Variants in RLF observed in about 807,000 individuals in gnomAD.
The protein encoded by RLF is zinc finger protein Rlf.
Under a neutral mutation model 162.9 loss-of-function variants are expected in RLF, and 7 were observed. The ratio of observed to expected loss-of-function variants is 0.04; its 90% CI spans 0.02 to 0.08. RLF has a LOEUF of 0.08. RLF is among the 10% of genes least tolerant of loss of function. RLF has a pLI of 1.00. For missense variants in RLF, 1,664 were observed against 2,244.7 expected (o/e 0.74, Z 5.23); for synonymous variants, 782 against 791.5 (o/e 0.99, Z 0.20).
At chr1:40,229,046 C>A (rs1052180375) in intron 6 of RLF, among the ~76,000 whole-genome samples, 1 of 152,100 alleles carries the variant, frequency 6.6e-6, no homozygotes. Flanking sequence ...TCAAGTAATC[C>A]TCTGCTGAGG....
In RLF at chr1:40,240,468, A is replaced by C. The variant is rs761374586; in HGVS notation, c.*21A>C. 6.4e-7 allele frequency: 1 copy of C among 1,559,950 alleles called. No homozygotes were observed. The highest frequency in any genetic ancestry group is 8.8e-7 in the Non-Finnish European group (1 of 1,137,346). On this transcript the variant is annotated 3_prime_UTR_variant, in exon 8 of 8. Coordinates refer to ENST00000372771, the MANE Select transcript of RLF (RefSeq NM_012421.4). ...CATAAGTAGCAATTTTGTTTTAGTA[A>C]CAGACTGGCTCCAACACTGCAACAT...
Position 40,221,899 on chromosome 1 carries a change from C to CAAAAAAAAAAAAAAAAAAA in RLF, c.811-674_811-656dup, listed in dbSNP as rs895455745. Reference sequence around the variant, plus strand: ...TGGGCGACACAGCGAGACTCCGTCTCAAAAAAAAAAAAAAAAAAAGAGAAA... The same window carrying CAAAAAAAAAAAAAAAAAAA: ...TGGGCGACACAGCGAGACTCCGTCTCAAAAAAAAAAAAAAAAAAAAAAAAAAAAAAAAAAAAAAGAGAAA... On this transcript the variant is annotated intron_variant, in intron 5 of 7. Coordinates refer to ENST00000372771, the MANE Select transcript of RLF (RefSeq NM_012421.4). Among the ~76,000 whole-genome samples, 257 of 65,002 alleles carry CAAAAAAAAAAAAAAAAAAA rather than the reference C, an allele frequency of 4.0e-3. 11 individuals carry two copies. The highest frequency in any genetic ancestry group is 9.6e-3 in the Middle Eastern group (1 of 104). 42.6% of individuals were successfully genotyped at this position (65,002 alleles called of 152,430 possible).
intron 1 of RLF, among the ~76,000 whole-genome samples, chr1:40,188,451 A>G (rs1156866594): frequency 6.6e-6 from 1 of 152,228 alleles, no homozygotes; most frequent in Non-Finnish European, 1.5e-5. Flanking sequence ...ATAAACTGGC[A>G]TTTGGCCTAT....
chr1:40,189,363 A>T (rs1255671973), intron 2 of RLF, among the ~76,000 whole-genome samples, 154 bp downstream of exon 2: 1 of 152,144 alleles, frequency 6.6e-6, no homozygotes, highest in Non-Finnish European at 1.5e-5. Context: ...CGTTCCCAGG[A>T]GATATAGTCC....
At chr1:40,227,537 A>G (rs1160943797) in intron 6 of RLF, among the ~76,000 whole-genome samples, 2 of 152,174 alleles carry the variant, frequency 1.3e-5, no homozygotes, top group Admixed American at 6.5e-5. Flanking sequence ...GCATGTTTAT[A>G]TATTTGGGTG....
rs1643279853 is a variant in RLF at position 40,240,511 on chromosome 1, C to T, written c.*64C>T. The T allele has an allele frequency of 5.1e-6, 6 of 1,184,904 alleles. No homozygotes were observed. The highest frequency in any genetic ancestry group is 2.3e-5 in the East Asian group (1 of 42,780). 73.4% of individuals were successfully genotyped at this position (1,184,904 alleles called of 1,614,324 possible). ...TGCAACATGGGGACATTTGCCAACT[C>T]GAACAAAGGCTGAGAAGCAGCCACA... On this transcript the variant is annotated 3_prime_UTR_variant, in exon 8 of 8. Transcript: ENST00000372771.
intron 1 of RLF, among the ~76,000 whole-genome samples, chr1:40,187,886 G>T (rs966127589): frequency 1.3e-5 from 2 of 152,130 alleles, no homozygotes; most frequent in Non-Finnish European, 2.9e-5. Flanking sequence ...AGGAAGTTAG[G>T]AATGTTTGAA....
chr1:40,194,934 A>T (rs1385793427), intron 3 of RLF, among the ~76,000 whole-genome samples: 4 of 151,674 alleles, frequency 2.6e-5, no homozygotes, highest in Admixed American at 2.6e-4. Flanking sequence ...CCCAGGCTCA[A>T]GTGATTCTCC....
At chr1:40,215,379 T>G (rs925483639) in intron 5 of RLF, among the ~76,000 whole-genome samples, 7 of 152,090 alleles carry the variant, frequency 4.6e-5, no homozygotes, top group Non-Finnish European at 1.0e-4. Flanking sequence ...AGACCATGTG[T>G]TAGCAAGTAA....
At chr1:40,201,358 G>A (rs1642717187) in intron 4 of RLF, among the ~76,000 whole-genome samples, 1 of 151,758 alleles carries the variant, frequency 6.6e-6, no homozygotes, top group African/African-American at 2.4e-5. Context: ...GGGTGCGGTG[G>A]CTCATGCCTG....
intron 1 of RLF, among the ~76,000 whole-genome samples, chr1:40,172,317 C>A (rs1472457388): frequency 4.0e-5 from 6 of 151,142 alleles, no homozygotes; most frequent in African/African-American, 1.5e-4. Context: ...AAGTACTCAT[C>A]CTTTTGCAAT....
intron 3 of RLF, among the ~76,000 whole-genome samples, chr1:40,193,059 A>G (rs1481412248): frequency 3.5e-5 from 5 of 143,308 alleles, no homozygotes; most frequent in South Asian, 2.2e-4. Context: ...TAATTGACCA[A>G]TGTCTTGCTA....
At chr1:40,194,523 C>T (rs1248865067) in intron 3 of RLF, among the ~76,000 whole-genome samples, 3 of 151,546 alleles carry the variant, frequency 2.0e-5, no homozygotes, top group Non-Finnish European at 4.4e-5. Flanking sequence ...GCCTGTAATC[C>T]CAGCTACTTG....
chr1:40,169,339 G>A (rs1642207703), intron 1 of RLF, among the ~76,000 whole-genome samples: 1 of 151,898 alleles, frequency 6.6e-6, no homozygotes, highest in Non-Finnish European at 1.5e-5. Flanking sequence ...CTTCTCGGCC[G>A]GGCGCGGTGG....
intron 1 of RLF, among the ~76,000 whole-genome samples, chr1:40,167,005 T>A (rs903037878): frequency 2.6e-5 from 4 of 151,896 alleles, no homozygotes; most frequent in African/African-American, 9.7e-5. Flanking sequence ...AAGTATAATT[T>A]TAAAAAAAAA....
chr1:40,207,706 G>A (rs1430550192), intron 5 of RLF, among the ~76,000 whole-genome samples: 1 of 152,168 alleles, frequency 6.6e-6, no homozygotes, highest in Admixed American at 6.5e-5. Flanking sequence ...CACCTCCTGA[G>A]TTCAAGCAGT....
At position 40,189,070 on chromosome 1, in the gene RLF, G is replaced by T; in HGVS notation, c.253G>T (p.Ala85Ser). ...TATTTTGTAGACCTTATTGCAATATGCAAGCAACAAGAATGCATCAGAACA... is the reference window on the plus strand; with the variant it reads ...TATTTTGTAGACCTTATTGCAATATTCAAGCAACAAGAATGCATCAGAACA... ...RSFCQTLLQY[A>S]SNKNASEHIV... is the part of the protein sequence containing the mutation. Residue 85 changes from alanine to serine, a missense_variant, in exon 2 of 8, where the codon GCA becomes TCA. Physicochemically the swap from Ala to Ser is moderately conservative, Grantham distance 99. Around this residue, in one of 15 missense-constraint regions of RLF, gnomAD observed 134 missense variants for 124.3 expected, o/e 1.08. Coordinates refer to ENST00000372771, the MANE Select transcript of RLF (RefSeq NM_012421.4). 3.1e-6 allele frequency: 5 copies of T among 1,594,644 alleles called. No homozygotes were observed. The highest frequency in any genetic ancestry group is 4.3e-6 in the Non-Finnish European group (5 of 1,168,518).
At position 40,202,378 on chromosome 1, in the gene RLF, G is replaced by C. The variant is rs1383621836; in HGVS notation, c.608-34G>C. 2.9e-6 allele frequency: 4 copies of C among 1,397,822 alleles called. No homozygotes were observed. In the African/African-American group the frequency reaches 5.9e-5, roughly 21 times the overall value. The allele number at this position is 1,397,822 out of a possible 1,614,324, so 86.6% of individuals were successfully genotyped here. On this transcript the variant is annotated intron_variant, in intron 4 of 7. Transcript: ENST00000372771. ...GCAAGTCTGACATGTTATGTGGTAT[G>C]TTGTCAAACTGTTTTATTTTTCATT...
In RLF at chr1:40,239,018, A is replaced by G. The variant is rs1460112312; in HGVS notation, c.4316A>G (p.His1439Arg). The G allele has an allele frequency of 6.2e-7, 1 of 1,614,232 alleles. No homozygotes were observed. Reference sequence around the variant, plus strand: ...CAGCATAATATTGAAGGGGAAATACATTCAGATTATGAAATTCATTGTGAT... The same window carrying G: ...CAGCATAATATTGAAGGGGAAATACGTTCAGATTATGAAATTCATTGTGAT... The part of the protein sequence containing the change: ...MEQHNIEGEI[H>R]SDYEIHCDLN... The change falls in exon 8 of 8, where the codon CAT becomes CGT. Residue 1439 changes from histidine (H) to arginine (R), a missense_variant. Physicochemically the swap from His to Arg is conservative, Grantham distance 29 (BLOSUM62 0). Coordinates refer to ENST00000372771, the MANE Select transcript of RLF (RefSeq NM_012421.4).
Sources: gnomAD v4.1 joint callset for allele counts (sites outside exome capture counted in the v4.1 genomes callset) on GRCh38, gnomAD v4.1.1 for gene constraint, gnomAD v4.1.1 regional missense constraint, MANE v1.5 for transcripts, NCBI Gene and HGNC (gene_info 2026-07-23, HGNC 2026-07-21) for gene names.